The following ARFGEF2 variants were observed in gnomAD, a reference collection of about 807,000 sequenced individuals.
ARFGEF2 encodes brefeldin A-inhibited guanine nucleotide-exchange protein 2.
ARFGEF2 carries 74 observed loss-of-function variants against 219.9 expected under a neutral mutation model. That is an observed-to-expected ratio of 0.34 (90% CI 0.28 to 0.41). The LOEUF is 0.41. Ranked by LOEUF, ARFGEF2 falls within the 10% of genes least tolerant of loss-of-function variation. The pLI, the probability that ARFGEF2 is intolerant of heterozygous loss-of-function variation, is 1.00. For missense variants in ARFGEF2, 1,743 were observed against 2,218.3 expected (o/e 0.79, Z 4.30); for synonymous variants, 733 against 799.2 (o/e 0.92, Z 1.40).
intron 6 of ARFGEF2, among the ~76,000 whole-genome samples, chr20:48,959,558 C>T (rs1277744975): frequency 3.5e-5 from 2 of 57,494 alleles, no homozygotes; most frequent in African/African-American, 7.1e-5. Context: ...TCCTTCCTTC[C>T]CTCCCTCCCT....
chr20:48,936,670 G>C (rs915642782), intron 1 of ARFGEF2, among the ~76,000 whole-genome samples: 1 of 152,074 alleles, frequency 6.6e-6, no homozygotes, highest in Non-Finnish European at 1.5e-5. Flanking sequence ...GACTACAGGC[G>C]TGCACCACCA....
At chr20:48,937,385 T>C (rs2090965279) in intron 1 of ARFGEF2, among the ~76,000 whole-genome samples, 1 of 152,196 alleles carries the variant, frequency 6.6e-6, no homozygotes, top group Non-Finnish European at 1.5e-5. Flanking sequence ...TGGAGAAGAC[T>C]TTTCAAGAGT....
chr20:49,030,352 G>A (rs1478562202), intron 37 of ARFGEF2, among the ~76,000 whole-genome samples: 1 of 150,114 alleles, frequency 6.7e-6, no homozygotes, highest in Non-Finnish European at 1.5e-5. Context: ...TAGAGTCAGG[G>A]TCTTGCTATG....
chr20:48,952,228 T>C (rs1438433837), intron 4 of ARFGEF2, among the ~76,000 whole-genome samples: 3 of 139,696 alleles, frequency 2.1e-5, no homozygotes, highest in African/African-American at 7.9e-5. Context: ...CAATCTCGGC[T>C]CGCTGCAAAC....
intron 15 of ARFGEF2, 74 bp downstream of exon 15, chr20:48,984,914 G>A (rs1568721439): frequency 2.5e-6 from 4 of 1,608,566 alleles, no homozygotes; most frequent in Non-Finnish European, 3.4e-6. Context: ...TTTTAACCTC[G>A]AGATTGTCTG....
chr20:49,019,289 C>T (rs1224798107), intron 34 of ARFGEF2, among the ~76,000 whole-genome samples: 1 of 152,154 alleles, frequency 6.6e-6, no homozygotes, highest in East Asian at 1.9e-4. Context: ...TTGACATATA[C>T]ATTCACACAC....
At chr20:48,998,102 C>T (rs2123481449) in intron 23 of ARFGEF2, 91 bp from the exon 24 acceptor site, 1 of 1,174,684 alleles carries the variant, frequency 8.5e-7, no homozygotes, top group Non-Finnish European at 1.3e-6. Flanking sequence ...TCAAGTGATA[C>T]ACCCTCCTCG....
intron 36 of ARFGEF2, 24 bp downstream of exon 36, chr20:49,025,505 T>TA: frequency 6.2e-7 from 1 of 1,613,336 alleles, no homozygotes. Flanking sequence ...GCAGATAAGA[T>TA]AGATGGCCAC....
At chr20:48,965,638 T>C (rs948086668) in intron 7 of ARFGEF2, among the ~76,000 whole-genome samples, 2 of 152,214 alleles carry the variant, frequency 1.3e-5, no homozygotes, top group African/African-American at 4.8e-5. Flanking sequence ...CTGGAGAGAA[T>C]TGTATATTGC....
chr20:48,944,140 C>G lies in ARFGEF2; in HGVS notation c.276+2153C>G, dbSNP rs372985721. Reference sequence around the variant, plus strand: ...TCAGTGTAATTCTGTACAGATTGTCCTATGTGAGACATACAGTGAGCCAAG... The same window carrying G: ...TCAGTGTAATTCTGTACAGATTGTCGTATGTGAGACATACAGTGAGCCAAG... On this transcript the variant is annotated intron_variant, in intron 3 of 38. Transcript: ENST00000371917. 9.2e-5 allele frequency among the ~76,000 whole-genome samples: 14 copies of G among 152,292 alleles called. 1 individual carries two copies. The highest frequency in any genetic ancestry group is 8.3e-4 in the South Asian group (4 of 4,830).
chr20:49,031,152 G>C (rs144778940), intron 37 of ARFGEF2, among the ~76,000 whole-genome samples: 1 of 151,038 alleles, frequency 6.6e-6, no homozygotes, highest in East Asian at 1.9e-4. Flanking sequence ...CATGTGCCAG[G>C]ACTGAGCCAA....
At position 49,013,692 on chromosome 20, in the gene ARFGEF2, A is replaced by C. The variant is rs1382727446; in HGVS notation, c.4047A>C (p.Thr1349=). The C allele has an allele frequency of 6.2e-7, 1 of 1,614,158 alleles. No individual in the cohort carries two copies. The highest frequency in any genetic ancestry group is 1.7e-5 in the Admixed American group (1 of 59,996). The change falls in exon 29 of 39, where the codon ACA becomes ACC. Residue 1349 remains threonine, a splice_region_variant and synonymous_variant. Transcript: ENST00000371917. ...IINRCKLDVR[T]RGLTVMFEIM... The stretch of plus-strand genomic sequence containing the variant: ...ATAGATGCAAGTTAGATGTACGAAC[A>C]AGGTAACCATGTTCCCGTGCGGTGG...
intron 21 of ARFGEF2, among the ~76,000 whole-genome samples, chr20:48,993,903 C>G (rs902849108): frequency 6.6e-6 from 1 of 152,166 alleles, no homozygotes; most frequent in Non-Finnish European, 1.5e-5. Flanking sequence ...AGAGTTAATG[C>G]CCTCTTGGCA....
chr20:48,927,256 A>G (rs924008672), intron 1 of ARFGEF2, among the ~76,000 whole-genome samples: 10 of 152,168 alleles, frequency 6.6e-5, no homozygotes, highest in African/African-American at 2.4e-4. Context: ...TATCATATGG[A>G]CATCTGTGTG....
chr20:48,945,897 G>A (rs2091023199), intron 3 of ARFGEF2, among the ~76,000 whole-genome samples: 1 of 152,132 alleles, frequency 6.6e-6, no homozygotes, highest in Non-Finnish European at 1.5e-5. Flanking sequence ...GAAAGGAATG[G>A]AAGTTCTCTG....
At chr20:49,008,561 C>CAA (rs71184246) in intron 26 of ARFGEF2, among the ~76,000 whole-genome samples, 38 of 140,418 alleles carry the variant, frequency 2.7e-4, no homozygotes, top group African/African-American at 6.4e-4. Flanking sequence ...AACTCCATCT[C>CAA]AAAAAAAAAA....
chr20:48,929,067 C>T (rs1399246025), intron 1 of ARFGEF2, among the ~76,000 whole-genome samples: 1 of 152,196 alleles, frequency 6.6e-6, no homozygotes, highest in Non-Finnish European at 1.5e-5. Flanking sequence ...ATATAAATAG[C>T]TCAGAGCTGT....
chr20:48,984,090 T>G (rs1022630183), intron 14 of ARFGEF2, among the ~76,000 whole-genome samples: 1 of 150,980 alleles, frequency 6.6e-6, no homozygotes, highest in East Asian at 1.9e-4. Context: ...CAAAATAACA[T>G]GCTTAACTAT....
At chr20:49,025,747 G>T (rs569017843) in intron 36 of ARFGEF2, among the ~76,000 whole-genome samples, 1 of 152,224 alleles carries the variant, frequency 6.6e-6, no homozygotes, top group Admixed American at 6.5e-5. Context: ...GCTGAGGCAG[G>T]CCTCAGCCAA....
Sources: gnomAD v4.1 joint callset for allele counts (sites outside exome capture counted in the v4.1 genomes callset) on GRCh38, gnomAD v4.1.1 for gene constraint, MANE v1.5 for transcripts, NCBI Gene and HGNC (gene_info 2026-07-23, HGNC 2026-07-21) for gene names.